Variants in ENTREP2 observed in about 807,000 individuals in gnomAD.
ENTREP2 encodes the protein protein ENTREP2.
chr15:29,296,853 A>C, the ENTREP2 span, among the ~76,000 whole-genome samples: 1 of 152,132 alleles, frequency 6.6e-6, no homozygotes, highest in African/African-American at 2.4e-5. Flanking sequence ...AGTAAGGGTT[A>C]CTCTAGGCCA....
chr15:29,477,051 C>A, the ENTREP2 span, among the ~76,000 whole-genome samples: 1 of 152,140 alleles, frequency 6.6e-6, no homozygotes, highest in Admixed American at 6.5e-5. Flanking sequence ...GGTAAGTGCA[C>A]TCATACAAGA....
At chr15:29,397,105 G>A in the ENTREP2 span, among the ~76,000 whole-genome samples, 3 of 152,270 alleles carry the variant, frequency 2.0e-5, no homozygotes, top group Admixed American at 6.5e-5. Context: ...TTTACTGAGA[G>A]GCCAGGCACA....
At chr15:29,216,221 A>G in the ENTREP2 span, among the ~76,000 whole-genome samples, 4 of 152,180 alleles carry the variant, frequency 2.6e-5, no homozygotes, top group Non-Finnish European at 4.4e-5. Flanking sequence ...TCCTTCATAT[A>G]TGCTGCTTAG....
At chr15:29,245,477 C>A in the ENTREP2 span, among the ~76,000 whole-genome samples, 1 of 150,238 alleles carries the variant, frequency 6.7e-6, no homozygotes, top group Non-Finnish European at 1.5e-5. Context: ...TGAATAAAAC[C>A]AATGTGAGTA....
chr15:29,653,559 T>C, the ENTREP2 span, among the ~76,000 whole-genome samples: 2 of 152,184 alleles, frequency 1.3e-5, no homozygotes, highest in Non-Finnish European at 1.5e-5. Flanking sequence ...GATCCGATGG[T>C]TTGATAAGTG....
chr15:29,131,985 G>A, the ENTREP2 span, among the ~76,000 whole-genome samples: 2 of 152,112 alleles, frequency 1.3e-5, no homozygotes, highest in Admixed American at 6.5e-5. Context: ...TCACCCATGC[G>A]AGTGCTCACG....
the ENTREP2 span, among the ~76,000 whole-genome samples, chr15:29,204,886 T>C: frequency 2.6e-5 from 4 of 152,158 alleles, no homozygotes; most frequent in African/African-American, 7.2e-5. Context: ...GCATTAAACA[T>C]ATTCACCTCG....
chr15:29,590,334 C>T, the ENTREP2 span, among the ~76,000 whole-genome samples: 10 of 152,178 alleles, frequency 6.6e-5, no homozygotes, highest in South Asian at 1.5e-3. Context: ...CACATCCTGG[C>T]GCATTTGTAA....
At chr15:29,440,876 C>T in the ENTREP2 span, among the ~76,000 whole-genome samples, 1 of 152,192 alleles carries the variant, frequency 6.6e-6, no homozygotes, top group East Asian at 1.9e-4. Flanking sequence ...GCAAACACAG[C>T]CACACTGTCT....
the ENTREP2 span, among the ~76,000 whole-genome samples, chr15:29,489,880 T>C: frequency 1.3e-5 from 2 of 152,214 alleles, no homozygotes; most frequent in African/African-American, 4.8e-5. Context: ...TCGAGATGGC[T>C]GATGCTTTTG....
At chr15:29,426,306 G>A in the ENTREP2 span, among the ~76,000 whole-genome samples, 1 of 152,112 alleles carries the variant, frequency 6.6e-6, no homozygotes, top group South Asian at 2.1e-4. Flanking sequence ...ATATGCAAAT[G>A]TTGCTGCATT....
the ENTREP2 span, among the ~76,000 whole-genome samples, chr15:29,499,143 G>C: frequency 2.0e-5 from 3 of 152,080 alleles, no homozygotes; most frequent in Non-Finnish European, 4.4e-5. Flanking sequence ...TTACATTCAA[G>C]GTAATTATTG....
the ENTREP2 span, among the ~76,000 whole-genome samples, chr15:29,665,329 C>T: frequency 6.6e-6 from 1 of 152,240 alleles, no homozygotes; most frequent in South Asian, 2.1e-4. Flanking sequence ...CTGCTGGGTA[C>T]TTGCAATATA....
the ENTREP2 span, among the ~76,000 whole-genome samples, chr15:29,635,692 A>G: frequency 6.6e-6 from 1 of 152,196 alleles, no homozygotes; most frequent in Non-Finnish European, 1.5e-5. Context: ...TGATCATTCA[A>G]GCCCCAGCCA....
the ENTREP2 span, among the ~76,000 whole-genome samples, chr15:29,621,600 A>AAC: frequency 6.6e-6 from 1 of 151,098 alleles, no homozygotes; most frequent in African/African-American, 2.4e-5. Flanking sequence ...AAAAAAAAAA[A>AAC]AAAAAAAACC....
At chr15:29,321,919 A>T in the ENTREP2 span, among the ~76,000 whole-genome samples, 1 of 151,992 alleles carries the variant, frequency 6.6e-6, no homozygotes, top group Admixed American at 6.6e-5. Flanking sequence ...GCAAACCACT[A>T]TGGCACACGT....
chr15:29,204,494 G>A, the ENTREP2 span, among the ~76,000 whole-genome samples: 1 of 152,286 alleles, frequency 6.6e-6, no homozygotes, highest in Middle Eastern at 3.4e-3. Flanking sequence ...ACCAAGGCCA[G>A]TATCCTTGGA....
chr15:29,540,741 G>A, the ENTREP2 span, among the ~76,000 whole-genome samples: 1 of 152,258 alleles, frequency 6.6e-6, no homozygotes, highest in East Asian at 1.9e-4. Context: ...ATAAAGTGAT[G>A]TAACACTACC....
the ENTREP2 span, among the ~76,000 whole-genome samples, chr15:29,145,404 C>T: frequency 3.9e-5 from 6 of 151,922 alleles, no homozygotes; most frequent in African/African-American, 1.5e-4. Context: ...GGGCAGATCA[C>T]GAGGTCAGGA....
Sources: gnomAD v4.1 joint callset for allele counts (sites outside exome capture counted in the v4.1 genomes callset) on GRCh38, gnomAD v4.1.1 for gene constraint, MANE v1.5 for transcripts, NCBI Gene and HGNC (gene_info 2026-07-23, HGNC 2026-07-21) for gene names.